The following DNAH9 variants were observed in gnomAD, a reference collection of about 807,000 sequenced individuals.
DNAH9 encodes the protein DNAH9 variant protein.
In DNAH9, 345 loss-of-function variants were observed where a neutral mutation model predicts 471.6. The observed-to-expected ratio is 0.73, with a 90% CI of 0.67 to 0.80. The LOEUF (loss-of-function observed/expected upper bound fraction) is 0.80, where lower values mean the gene tolerates loss of function less well. Among genes scored for constraint, DNAH9 ranks in the 30% least tolerant of loss-of-function variants. The pLI is 0.00. For missense variants in DNAH9, 5,407 were observed against 5,609.2 expected (o/e 0.96, Z 1.15); for synonymous variants, 2,093 against 2,123.6 (o/e 0.99, Z 0.40).
At chr17:11,861,027 C>T (rs1331468399) in intron 50 of DNAH9, among the ~76,000 whole-genome samples, 2 of 143,976 alleles carry the variant, frequency 1.4e-5, no homozygotes, top group Middle Eastern at 3.5e-3. Context: ...AGCTGTCATT[C>T]TTTTTTTTTT....
chr17:11,717,397 A>C (rs955340369), intron 26 of DNAH9, among the ~76,000 whole-genome samples: 4 of 152,046 alleles, frequency 2.6e-5, no homozygotes, highest in African/African-American at 9.7e-5. Flanking sequence ...AAAAAAAAAA[A>C]AACATTTCGG....
At chr17:11,877,560 C>T (rs2055561633) in intron 53 of DNAH9, among the ~76,000 whole-genome samples, 1 of 149,718 alleles carries the variant, frequency 6.7e-6, no homozygotes, top group South Asian at 2.1e-4. Flanking sequence ...TAAGATTTAT[C>T]CACTCCAGCA....
chr17:11,806,030 C>G (rs140184275), intron 43 of DNAH9, among the ~76,000 whole-genome samples: 56 of 152,296 alleles, frequency 3.7e-4, no homozygotes, highest in African/African-American at 1.3e-3. Flanking sequence ...CCGCTCCCAG[C>G]CCGAGTTCCT....
At chr17:11,912,069 G>A (rs1344339848) in intron 61 of DNAH9, among the ~76,000 whole-genome samples, 1 of 152,132 alleles carries the variant, frequency 6.6e-6, no homozygotes, top group African/African-American at 2.4e-5. Context: ...CCAGGCTGGA[G>A]TGCAGTGGCA....
At position 11,617,584 on chromosome 17, in the gene DNAH9, G is replaced by C. The variant is rs745479283; in HGVS notation, c.1078G>C (p.Val360Leu). Residue 360 changes from valine to leucine, a missense_variant, in exon 5 of 69, where the codon GTG becomes CTG. Transcript: ENST00000262442. ...CTACCGCTCCCCGGGAAGGCTGACTGTGCTGCTCCAGGAGATTTGCAACCT... is the reference window on the plus strand; with the variant it reads ...CTACCGCTCCCCGGGAAGGCTGACTCTGCTGCTCCAGGAGATTTGCAACCT... The part of the protein sequence containing the change: ...KSYRSPGRLT[V>L]LLQEICNLLI... 3.7e-6 allele frequency: 6 copies of C among 1,614,142 alleles called. No homozygotes were observed. Among genetic ancestry groups the C allele is most frequent in the Non-Finnish European group, 3.4e-6 (4 of 1,180,034 alleles).
At chr17:11,920,073 C>A (rs1367189046) in intron 61 of DNAH9, among the ~76,000 whole-genome samples, 1 of 147,812 alleles carries the variant, frequency 6.8e-6, no homozygotes, top group African/African-American at 2.5e-5. Flanking sequence ...TCGCTCTTGT[C>A]GCCCAGGCTG....
rs1567725758 is a variant in DNAH9 at position 11,694,837 on chromosome 17, T to TTTCC, written c.4872+422_4872+425dup. ...CTTTCTTTCTTTCTTTCTTTCTTTC[T>TTTCC]TTCCTTCCTTCCTTCCTTCCTTCCT... On this transcript the variant is annotated intron_variant, in intron 22 of 68. Transcript: ENST00000262442. Among the ~76,000 whole-genome samples, 7 of 2,338 alleles carry TTTCC rather than the reference T, an allele frequency of 3.0e-3. 2 individuals carry two copies. The highest frequency in any genetic ancestry group is 6.3e-3 in the African/African-American group (7 of 1,120). 1.5% of individuals were successfully genotyped at this position (2,338 alleles called of 152,430 possible). A position where few individuals can be genotyped will look rare whatever the true frequency, so the allele number is the denominator to read the frequency against.
At chr17:11,802,685 C>T (rs1458039133) in intron 43 of DNAH9, among the ~76,000 whole-genome samples, 1 of 150,386 alleles carries the variant, frequency 6.6e-6, no homozygotes, top group Non-Finnish European at 1.5e-5. Flanking sequence ...ACAGAGCAGA[C>T]GAGGAAGGAG....
At chr17:11,805,053 C>CAA (rs879760114) in intron 43 of DNAH9, among the ~76,000 whole-genome samples, 9 of 137,302 alleles carry the variant, frequency 6.6e-5, no homozygotes, top group East Asian at 4.2e-4. Context: ...GGCTCTGTCT[C>CAA]AAAAAAAAAA....
chr17:11,868,906 C>T (rs1972159063), intron 50 of DNAH9, among the ~76,000 whole-genome samples: 1 of 152,136 alleles, frequency 6.6e-6, no homozygotes, highest in South Asian at 2.1e-4. Context: ...TGGATGTCCA[C>T]TCCACCCTCC....
chr17:11,720,604 T>C (rs2075039666), intron 27 of DNAH9, among the ~76,000 whole-genome samples: 1 of 152,256 alleles, frequency 6.6e-6, no homozygotes, highest in African/African-American at 2.4e-5. Flanking sequence ...ATGTGCTATA[T>C]TGACTGTAAA....
intron 35 of DNAH9, among the ~76,000 whole-genome samples, chr17:11,758,415 T>G (rs945803087): frequency 6.6e-6 from 1 of 152,216 alleles, no homozygotes; most frequent in Non-Finnish European, 1.5e-5. Flanking sequence ...TCTGTGAATC[T>G]GACACCCATC....
At chr17:11,908,851 A>G (rs995473146) in intron 61 of DNAH9, among the ~76,000 whole-genome samples, 5 of 152,228 alleles carry the variant, frequency 3.3e-5, no homozygotes, top group Admixed American at 3.3e-4. Context: ...ATCACAATTA[A>G]CAGCAAGACC....
intron 50 of DNAH9, among the ~76,000 whole-genome samples, chr17:11,864,702 G>A (rs1971979362): frequency 6.6e-6 from 1 of 152,130 alleles, no homozygotes; most frequent in Admixed American, 6.5e-5. Context: ...GAATCTGGGT[G>A]CTCCTGTTTT....
rs1050951061 is a variant in DNAH9, at chr17:11,895,197, T to G, written c.11406+701T>G. ...AAAGATCACAAACTATAAGGTTCTTTCAGTAGGTACTATGCCTGCAATTCA... is the reference window on the plus strand; with the variant it reads ...AAAGATCACAAACTATAAGGTTCTTGCAGTAGGTACTATGCCTGCAATTCA... On this transcript the variant is annotated intron_variant, in intron 59 of 68. Coordinates refer to ENST00000262442, the MANE Select transcript of DNAH9 (RefSeq NM_001372.4). Among the ~76,000 whole-genome samples the G allele has an allele frequency of 2.0e-5, 3 of 152,128 alleles. No homozygotes were observed. In the South Asian group the frequency reaches 6.2e-4, roughly 32 times the overall value.
intron 48 of DNAH9, among the ~76,000 whole-genome samples, chr17:11,826,294 C>A (rs1970486541): frequency 6.6e-6 from 1 of 152,078 alleles, no homozygotes. Flanking sequence ...CAATGACCTT[C>A]TTAGGTTATA....
chr17:11,656,381 C>G (rs557688972), intron 14 of DNAH9, among the ~76,000 whole-genome samples: 1 of 151,992 alleles, frequency 6.6e-6, no homozygotes, highest in Non-Finnish European at 1.5e-5. Context: ...ATTGTCTATT[C>G]GCATCTTTAG....
At chr17:11,827,617 A>G (rs1970541644) in intron 48 of DNAH9, among the ~76,000 whole-genome samples, 1 of 152,100 alleles carries the variant, frequency 6.6e-6, no homozygotes, top group African/African-American at 2.4e-5. Context: ...TTCGACCTGA[A>G]ATTTCTCAGG....
At chr17:11,675,614 CT>C (rs1174067555) in intron 17 of DNAH9, among the ~76,000 whole-genome samples, 6 of 152,086 alleles carry the variant, frequency 3.9e-5, no homozygotes, top group African/African-American at 1.4e-4. Flanking sequence ...AATTTCCCTT[CT>C]ATTTCTAATT....
Sources: gnomAD v4.1 joint callset for allele counts (sites outside exome capture counted in the v4.1 genomes callset) on GRCh38, gnomAD v4.1.1 for gene constraint, MANE v1.5 for transcripts, NCBI Gene and HGNC (gene_info 2026-07-23, HGNC 2026-07-21) for gene names.